PBX1: variants seen among roughly 807,000 people sequenced by gnomAD.
The protein encoded by PBX1 is pre-B-cell leukemia transcription factor 1.
PBX1 carries 6 observed loss-of-function variants against 53.4 expected under a neutral mutation model. The observed-to-expected ratio is 0.11, with a 90% confidence interval of 0.06 to 0.22. The LOEUF is 0.22. PBX1 is among the 10% of genes least tolerant of loss of function. The pLI is 1.00. For missense variants in PBX1, 251 were observed against 551.4 expected (o/e 0.46, Z 5.46); for synonymous variants, 204 against 212.3 (o/e 0.96, Z 0.34).
chr1:164,850,592 C>T lies in PBX1; in HGVS notation c.*3916C>T, dbSNP rs1671788346. 2 of 191,768 alleles carry T rather than the reference C, an allele frequency of 1.0e-5. No individual in the cohort carries two copies. The highest frequency in any genetic ancestry group is 4.7e-5 in the African/African-American group (2 of 42,994). The allele number at this position is 191,768 out of a possible 1,614,324, so 11.9% of individuals were successfully genotyped here. On this transcript the variant is annotated 3_prime_UTR_variant, in exon 9 of 9. Coordinates refer to ENST00000420696, the MANE Select transcript of PBX1 (RefSeq NM_002585.4). ...TATACAAGGTGATGTGAAAAGATGA[C>T]TTGGGCAGAGGAGTAAGAACAAGTA...
chr1:164,574,666 G>A (rs185088761), intron 2 of PBX1, among the ~76,000 whole-genome samples: 1 of 152,068 alleles, frequency 6.6e-6, no homozygotes, highest in Non-Finnish European at 1.5e-5. Flanking sequence ...CAAACTGAGA[G>A]GGAAAAAAAT....
chr1:164,771,295 T>C (rs1343714442), intron 2 of PBX1: 1 of 152,018 alleles, frequency 6.6e-6, no homozygotes, highest in Non-Finnish European at 1.5e-5. Context: ...ACGGGGGTGG[T>C]GTTCAGCCTT....
intron 3 of PBX1, among the ~76,000 whole-genome samples, chr1:164,794,581 C>A (rs1668694073): frequency 6.6e-6 from 1 of 152,132 alleles, no homozygotes; most frequent in Admixed American, 6.5e-5. Flanking sequence ...TAGACATTTC[C>A]CCAGATCCCA....
intron 2 of PBX1, among the ~76,000 whole-genome samples, chr1:164,665,748 A>G (rs1053195807): frequency 6.6e-6 from 1 of 152,242 alleles, no homozygotes; most frequent in African/African-American, 2.4e-5. Flanking sequence ...AGGACCTAAC[A>G]TCAGGAATGT....
chr1:164,573,896 A>C (rs112183040), intron 2 of PBX1, among the ~76,000 whole-genome samples: 3,024 of 152,300 alleles, frequency 0.02, 118 homozygotes, highest in African/African-American at 0.068. Context: ...GTTCTGGCAT[A>C]ACTCCGTTTT....
chr1:164,872,154 G>A lies in PBX1; in HGVS notation n.258-27034G>A, dbSNP rs529671728. 3.3e-5 allele frequency among the ~76,000 whole-genome samples: 5 copies of A among 152,236 alleles called. No individual in the cohort carries two copies. In the East Asian group the frequency reaches 9.7e-4, roughly 29 times the overall value. ...TACAGATGATTTGTGGGGCACTTCG[G>A]CTACAGATTGAGCCCTGCTTTAAGG... On this transcript the variant is annotated intron_variant and non_coding_transcript_variant, in intron 2 of 2. Transcript: ENST00000558796.
intron 2 of PBX1, among the ~76,000 whole-genome samples, chr1:164,686,093 A>G (rs145209250): frequency 4.6e-5 from 7 of 152,274 alleles, no homozygotes; most frequent in East Asian, 3.9e-4. Context: ...TTATTCATCT[A>G]TTAAGGGGAG....
chr1:164,878,593 G>A (rs1431435280), intron 2 of PBX1, among the ~76,000 whole-genome samples: 1 of 151,928 alleles, frequency 6.6e-6, no homozygotes, highest in Non-Finnish European at 1.5e-5. Context: ...GCTCAAGGCT[G>A]TCATTTCCAT....
At chr1:164,578,216 C>G (rs1357084993) in intron 2 of PBX1, among the ~76,000 whole-genome samples, 1 of 152,128 alleles carries the variant, frequency 6.6e-6, no homozygotes, top group East Asian at 1.9e-4. Flanking sequence ...ATAATGTCAC[C>G]TCCTGCATGT....
At chr1:164,809,384 A>G (rs1426798472) in intron 5 of PBX1, among the ~76,000 whole-genome samples, 1 of 152,140 alleles carries the variant, frequency 6.6e-6, no homozygotes, top group African/African-American at 2.4e-5. Context: ...GTCCATGCCA[A>G]AGTCATGCCA....
At chr1:164,590,564 T>G (rs766389137) in intron 2 of PBX1, 26 of 438,272 alleles carry the variant, frequency 5.9e-5, no homozygotes, top group Non-Finnish European at 8.8e-5. Context: ...CTTGGCATTG[T>G]GACCAGGAGA....
chr1:164,678,085 G>C (rs988398220), intron 2 of PBX1, among the ~76,000 whole-genome samples: 1 of 152,164 alleles, frequency 6.6e-6, no homozygotes, highest in African/African-American at 2.4e-5. Flanking sequence ...TGATGTGATT[G>C]GTAGTGGGGA....
At chr1:164,868,321 C>CAGAT (rs1401347769) in intron 2 of PBX1, among the ~76,000 whole-genome samples, 10 of 152,148 alleles carry the variant, frequency 6.6e-5, no homozygotes, top group Non-Finnish European at 1.5e-4. Flanking sequence ...CCATGCTGTA[C>CAGAT]ATCTAGGCAG....
chr1:164,564,021 G>A (rs2101690486), intron 2 of PBX1: 1 of 152,202 alleles, frequency 6.6e-6, no homozygotes, highest in African/African-American at 2.4e-5. Context: ...ATCAATCAGA[G>A]GTGTTCTTAA....
chr1:164,594,067 A>G (rs936893581), intron 2 of PBX1, among the ~76,000 whole-genome samples: 6 of 152,292 alleles, frequency 3.9e-5, no homozygotes, highest in Non-Finnish European at 8.8e-5. Context: ...CTTAATTTCT[A>G]TAGCACTTTA....
At chr1:164,590,066 A>C (rs1655254664) in intron 2 of PBX1, among the ~76,000 whole-genome samples, 1 of 151,930 alleles carries the variant, frequency 6.6e-6, no homozygotes, top group African/African-American at 2.4e-5. Flanking sequence ...ATAATAAGAC[A>C]TCCAGGTGTG....
chr1:164,707,453 GAGAA>G (rs1385857858), intron 2 of PBX1, among the ~76,000 whole-genome samples: 148 of 147,636 alleles, frequency 1.0e-3, no homozygotes, highest in African/African-American at 3.5e-3. Flanking sequence ...GAGAGAGAGA[GAGAA>G]AGTGCTGAAT....
intron 2 of PBX1, among the ~76,000 whole-genome samples, chr1:164,756,514 G>C (rs952311748): frequency 6.6e-6 from 1 of 152,008 alleles, no homozygotes; most frequent in African/African-American, 2.4e-5. Flanking sequence ...TTTAAAAAAC[G>C]TACACTTAGT....
intron 2 of PBX1, among the ~76,000 whole-genome samples, chr1:164,591,158 T>C (rs977738024): frequency 3.9e-5 from 6 of 152,066 alleles, no homozygotes; most frequent in Admixed American, 3.3e-4. Flanking sequence ...ACTACAGGCA[T>C]GTGTCACCAT....
Sources: allele counts gnomAD v4.1 joint callset (sites outside exome capture counted in the v4.1 genomes callset), GRCh38; gene constraint gnomAD v4.1.1; transcripts MANE v1.5; gene names NCBI Gene and HGNC (gene_info 2026-07-23, HGNC 2026-07-21).